EEF1AKMT1: variants seen among roughly 807,000 people sequenced by gnomAD.
The protein encoded by EEF1AKMT1 is EEF1A lysine methyltransferase 1, also known as N-6 adenine-specific DNA methyltransferase 2 (putative).
EEF1AKMT1 carries 18 observed loss-of-function variants against 21.0 expected under a neutral mutation model. The ratio of observed to expected loss-of-function variants is 0.86; its 90% CI spans 0.59 to 1.27. The LOEUF (loss-of-function observed/expected upper bound fraction) is 1.27. Among genes scored for constraint, EEF1AKMT1 ranks in the 50% most tolerant of loss-of-function variants. The pLI is 0.00. For synonymous variants in EEF1AKMT1, 109 were observed against 94.8 expected (o/e 1.15, Z -0.87); for missense variants, 246 against 258.6 (o/e 0.95, Z 0.33).
chr13:20,754,941 C>T (rs7330563), intron 2 of EEF1AKMT1, among the ~76,000 whole-genome samples: 3,108 of 151,922 alleles, frequency 0.02, 84 homozygotes, highest in Middle Eastern at 0.085. Context: ...TTTTCCTTTA[C>T]GTCATGTAGG....
intron 2 of EEF1AKMT1, among the ~76,000 whole-genome samples, chr13:20,741,456 CTTTTTTT>C (rs562645355): frequency 2.7e-5 from 3 of 112,206 alleles, no homozygotes; most frequent in South Asian, 2.8e-4. Flanking sequence ...ATTGTAATTA[CTTTTTTT>C]TTTTTTTTTT....
At chr13:20,734,168 G>A (rs948973828) in intron 3 of EEF1AKMT1, among the ~76,000 whole-genome samples, 3 of 152,286 alleles carry the variant, frequency 2.0e-5, no homozygotes, top group Admixed American at 6.5e-5. Flanking sequence ...AACATCTTCC[G>A]ATAAAAAAGG....
chr13:20,765,416 T>TGTTG (rs1158498385), intron 1 of EEF1AKMT1, among the ~76,000 whole-genome samples: 1 of 128,964 alleles, frequency 7.8e-6, no homozygotes, highest in African/African-American at 3.0e-5. Flanking sequence ...TTTTTTTTTT[T>TGTTG]TTTTTTTTTT....
chr13:20,743,492 A>G (rs2141420693), intron 2 of EEF1AKMT1, among the ~76,000 whole-genome samples: 1 of 150,830 alleles, frequency 6.6e-6, no homozygotes, highest in East Asian at 1.9e-4. Flanking sequence ...TACATCTGTC[A>G]CTTTCTCTCA....
Position 20,729,076 on chromosome 13 carries a change from G to A in EEF1AKMT1, c.*4C>T, listed in dbSNP as rs763155682. The A allele has an allele frequency of 5.0e-6, 8 of 1,614,162 alleles. No homozygotes were observed. The highest frequency in any genetic ancestry group is 5.9e-6 in the Non-Finnish European group (7 of 1,180,030). ...TCCTTCCTGTGTTATGTCACCGTCT[G>A]TAATCAGATCCCACAGTCCAGCCCA... On this transcript the variant is annotated 3_prime_UTR_variant, in exon 5 of 5. Transcript: ENST00000382758.
At chr13:20,730,337 G>T (rs1365654051) in intron 4 of EEF1AKMT1, among the ~76,000 whole-genome samples, 1 of 152,278 alleles carries the variant, frequency 6.6e-6, no homozygotes, top group East Asian at 1.9e-4. Context: ...CACCAGAACA[G>T]CTTCCCGTGG....
At chr13:20,756,250 T>G (rs2058970973) in intron 2 of EEF1AKMT1, among the ~76,000 whole-genome samples, 1 of 152,194 alleles carries the variant, frequency 6.6e-6, no homozygotes, top group Non-Finnish European at 1.5e-5. Flanking sequence ...TTCAAGCCTT[T>G]TCTGTTTCCC....
intron 1 of EEF1AKMT1, among the ~76,000 whole-genome samples, chr13:20,766,218 G>A (rs1321767970): frequency 7.0e-6 from 1 of 142,042 alleles, no homozygotes; most frequent in Non-Finnish European, 1.5e-5. Context: ...AGAATCACTT[G>A]AACCTGGGAG....
chr13:20,734,679 C>T (rs772467409), intron 3 of EEF1AKMT1, among the ~76,000 whole-genome samples: 1 of 151,900 alleles, frequency 6.6e-6, no homozygotes, highest in African/African-American at 2.4e-5. Flanking sequence ...CTACAAGCTC[C>T]GCCTCCCGGG....
intron 1 of EEF1AKMT1, among the ~76,000 whole-genome samples, chr13:20,760,123 A>AAG (rs1555327135): frequency 2.4e-5 from 3 of 127,464 alleles, no homozygotes; most frequent in African/African-American, 3.0e-5. Flanking sequence ...AAAAAAAAAA[A>AAG]AAGTCAAAAA....
chr13:20,733,067 C>T (rs144402699), intron 3 of EEF1AKMT1, among the ~76,000 whole-genome samples: 153 of 149,160 alleles, frequency 1.0e-3, no homozygotes, highest in African/African-American at 3.1e-3. Context: ...AACCTAAATA[C>T]GGAATTATTG....
chr13:20,731,867 G>A lies in EEF1AKMT1; in HGVS notation c.482C>T (p.Thr161Met), dbSNP rs369283175. ...RKTSETVKYLTRGKILLCTGA... is the reference protein window; with the variant it reads ...RKTSETVKYLMRGKILLCTGA... ...TGTGCACAGCAGAATCTTGCCCCGCGTCAGGTACTTGACGGTTTCCGATGT... is the reference window on the plus strand; with the variant it reads ...TGTGCACAGCAGAATCTTGCCCCGCATCAGGTACTTGACGGTTTCCGATGT... Residue 161 changes from threonine to methionine, a missense_variant, in exon 4 of 5, where the codon ACG becomes ATG. Coordinates refer to ENST00000382758, the MANE Select transcript of EEF1AKMT1 (RefSeq NM_001318939.2). 2.0e-5 allele frequency: 32 copies of A among 1,613,824 alleles called. 1 individual carries two copies. Among genetic ancestry groups the A allele is most frequent in the Middle Eastern group, 1.6e-4 (1 of 6,084 alleles).
At position 20,757,821 on chromosome 13, in the gene EEF1AKMT1, G is replaced by A. The variant is rs542371656; in HGVS notation, c.-19-204C>T. 5.9e-5 allele frequency among the ~76,000 whole-genome samples: 9 copies of A among 152,212 alleles called. No individual in the cohort carries two copies. In the South Asian group the frequency reaches 8.3e-4, roughly 14 times the overall value. On this transcript the variant is annotated intron_variant, in intron 1 of 4. Coordinates refer to ENST00000382758, the MANE Select transcript of EEF1AKMT1 (RefSeq NM_001318939.2). Reference sequence around the variant, plus strand: ...AAGTAAACCTGAAAAACCAGGCCACGATGGGAAGGACATGTCTCATTATAC... The same window carrying A: ...AAGTAAACCTGAAAAACCAGGCCACAATGGGAAGGACATGTCTCATTATAC...
chr13:20,754,630 C>T lies in EEF1AKMT1; in HGVS notation c.144+2825G>A, dbSNP rs189426215. Among the ~76,000 whole-genome samples, 240 of 151,694 alleles carry T rather than the reference C, an allele frequency of 1.6e-3. 1 individual carries two copies. The highest frequency in any genetic ancestry group is 2.8e-3 in the Non-Finnish European group (190 of 67,932). On this transcript the variant is annotated intron_variant, in intron 2 of 4. Transcript: ENST00000382758. ...GGGACCCTGAAAAATTTTTAAAAGC[C>T]GGGCACAGTAGCTCCTGCCTGTAAT...
intron 2 of EEF1AKMT1, among the ~76,000 whole-genome samples, chr13:20,751,734 G>A (rs567747461): frequency 6.6e-6 from 1 of 151,782 alleles, no homozygotes; most frequent in Non-Finnish European, 1.5e-5. Context: ...TATATACATT[G>A]CTTTGGGTAT....
At chr13:20,747,459 A>ATTTTTTTTTTTTTTTTTTTT (rs1164591974) in intron 2 of EEF1AKMT1, 1 of 66,154 alleles carries the variant, frequency 1.5e-5, no homozygotes, top group African/African-American at 7.2e-5. Flanking sequence ...AGTTAGGCAC[A>ATTTTTTTTTTTTTTTTTTTT]TTCTTTTTTT....
chr13:20,768,721 G>C (rs945196800), intron 1 of EEF1AKMT1, among the ~76,000 whole-genome samples: 1 of 152,096 alleles, frequency 6.6e-6, no homozygotes, highest in Non-Finnish European at 1.5e-5. Flanking sequence ...GGAAGGCTTA[G>C]ATGGTAAATA....
intron 2 of EEF1AKMT1, among the ~76,000 whole-genome samples, chr13:20,742,739 T>C (rs1270028826): frequency 1.3e-5 from 2 of 152,202 alleles, no homozygotes; most frequent in African/African-American, 2.4e-5. Context: ...AGCTGCCTCT[T>C]ACTGAGCTGT....
At chr13:20,757,218 C>T in intron 2 of EEF1AKMT1, 1 of 370,516 alleles carries the variant, frequency 2.7e-6, no homozygotes, top group Non-Finnish European at 4.8e-6. Context: ...ACCCCATCTT[C>T]TGATCACCAA....
Sources: allele counts gnomAD v4.1 joint callset (sites outside exome capture counted in the v4.1 genomes callset), GRCh38; gene constraint gnomAD v4.1.1; transcripts MANE v1.5; gene names NCBI Gene and HGNC (gene_info 2026-07-23, HGNC 2026-07-21).